The following ITFG1 variants were observed in gnomAD, a reference collection of about 807,000 sequenced individuals.
The protein encoded by ITFG1 is T-cell immunomodulatory protein.
A neutral mutation model predicts 81.8 loss-of-function variants in ITFG1; 34 were observed. The ratio of observed to expected loss-of-function variants is 0.42; its 90% confidence interval spans 0.32 to 0.55. ITFG1 has a LOEUF of 0.55. Among genes scored for constraint, ITFG1 ranks in the 20% least tolerant of loss-of-function variants. ITFG1 has a pLI of 0.17. For synonymous variants in ITFG1, 285 were observed against 270.6 expected (o/e 1.05, Z -0.52); for missense variants, 672 against 755.4 (o/e 0.89, Z 1.29).
intron 8 of ITFG1, among the ~76,000 whole-genome samples, chr16:47,348,309 T>C (rs1967891005): frequency 6.6e-6 from 1 of 152,098 alleles, no homozygotes; most frequent in Non-Finnish European, 1.5e-5. Context: ...GTTAAAAACC[T>C]TGAAAAAAGA....
chr16:47,430,137 A>G (rs1406658688), intron 5 of ITFG1, among the ~76,000 whole-genome samples: 1 of 147,542 alleles, frequency 6.8e-6, no homozygotes, highest in South Asian at 2.1e-4. Context: ...CGCTCACTGC[A>G]ACTTCCGCCT....
rs569646753 is a variant in ITFG1 at position 47,318,430 on chromosome 16, C to CA, written c.803-4608dup. On this transcript the variant is annotated intron_variant, in intron 8 of 17. Transcript: ENST00000320640. ...GGTTGTTTCCAATCTTTTGATAATCCAAACAATCCAACAATGAATAATTTT... is the reference window on the plus strand; with the variant it reads ...GGTTGTTTCCAATCTTTTGATAATCCAAAACAATCCAACAATGAATAATTTT... 1.4e-4 allele frequency among the ~76,000 whole-genome samples: 21 copies of CA among 152,050 alleles called. No homozygotes were observed. The East Asian group carries it at 2.3e-3, about 17-fold the overall frequency.
At chr16:47,398,091 C>T (rs1223679390) in intron 6 of ITFG1, among the ~76,000 whole-genome samples, 1 of 152,160 alleles carries the variant, frequency 6.6e-6, no homozygotes, top group East Asian at 1.9e-4. Flanking sequence ...CATCATGTCC[C>T]ACATTTGACC....
intron 14 of ITFG1, among the ~76,000 whole-genome samples, chr16:47,203,524 G>A (rs1210317904): frequency 6.6e-6 from 1 of 152,200 alleles, no homozygotes; most frequent in Non-Finnish European, 1.5e-5. Flanking sequence ...CCATCTGGGG[G>A]TGATGGGAGA....
chr16:47,200,310 A>G (rs1027996613), intron 14 of ITFG1, among the ~76,000 whole-genome samples: 1 of 152,208 alleles, frequency 6.6e-6, no homozygotes, highest in Non-Finnish European at 1.5e-5. Flanking sequence ...AAAAAGTTAA[A>G]ATGGCATTTC....
chr16:47,241,088 C>T (rs1213058322), intron 12 of ITFG1, among the ~76,000 whole-genome samples: 1 of 149,048 alleles, frequency 6.7e-6, no homozygotes, highest in Middle Eastern at 3.3e-3. Context: ...AAAAAACTCA[C>T]AATGAGTTAA....
chr16:47,399,401 A>G (rs527353252), intron 6 of ITFG1, among the ~76,000 whole-genome samples: 43 of 152,080 alleles, frequency 2.8e-4, no homozygotes, highest in Non-Finnish European at 5.4e-4. Flanking sequence ...GTGAAACCCC[A>G]TCTCTACTAA....
At chr16:47,443,034 T>C (rs1176889517) in intron 5 of ITFG1, among the ~76,000 whole-genome samples, 1 of 151,942 alleles carries the variant, frequency 6.6e-6, no homozygotes, top group Non-Finnish European at 1.5e-5. Context: ...GAATCTACAA[T>C]GAACTCAAAC....
At chr16:47,176,297 C>T (rs1186092688) in intron 14 of ITFG1, among the ~76,000 whole-genome samples, 1 of 152,072 alleles carries the variant, frequency 6.6e-6, no homozygotes, top group African/African-American at 2.4e-5. Context: ...TTTTGTTCCA[C>T]CTGGTGTGAC....
At chr16:47,445,235 G>T (rs1213013402) in intron 5 of ITFG1, among the ~76,000 whole-genome samples, 1 of 127,736 alleles carries the variant, frequency 7.8e-6, no homozygotes, top group Non-Finnish European at 1.6e-5. Flanking sequence ...GGGAGAGCGA[G>T]ACTCCGTCTC....
chr16:47,200,831 T>C (rs1254013050), intron 14 of ITFG1, among the ~76,000 whole-genome samples: 1 of 152,196 alleles, frequency 6.6e-6, no homozygotes, highest in Admixed American at 6.5e-5. Flanking sequence ...ATTAACTCTC[T>C]AGGTGATTTG....
intron 6 of ITFG1, among the ~76,000 whole-genome samples, chr16:47,403,059 C>G (rs548366309): frequency 1.3e-5 from 2 of 152,100 alleles, no homozygotes; most frequent in African/African-American, 4.8e-5. Context: ...AAAGTTCTGT[C>G]TGCAAAATTA....
intron 8 of ITFG1, among the ~76,000 whole-genome samples, chr16:47,321,087 G>A (rs572742499): frequency 6.6e-6 from 1 of 152,182 alleles, no homozygotes; most frequent in Non-Finnish European, 1.5e-5. Context: ...AGCTAACACA[G>A]GGAATAAGTC....
At chr16:47,283,672 ACACTTCG>A (rs1966858981) in intron 10 of ITFG1, among the ~76,000 whole-genome samples, 2 of 152,234 alleles carry the variant, frequency 1.3e-5, no homozygotes, top group Admixed American at 1.3e-4. Flanking sequence ...AGTGGTGCTA[ACACTTCG>A]ACTTTAGCCC....
chr16:47,385,670 G>C (rs965043172), intron 6 of ITFG1, among the ~76,000 whole-genome samples: 2 of 152,196 alleles, frequency 1.3e-5, no homozygotes, highest in African/African-American at 2.4e-5. Flanking sequence ...AACTTCTAAT[G>C]AACCTTCTTT....
At chr16:47,253,348 C>T (rs983231287) in intron 12 of ITFG1, among the ~76,000 whole-genome samples, 2 of 152,160 alleles carry the variant, frequency 1.3e-5, no homozygotes. Context: ...CATGGCCAAC[C>T]TTGTTTCATG....
intron 8 of ITFG1, among the ~76,000 whole-genome samples, chr16:47,345,003 C>G (rs1967832522): frequency 6.6e-6 from 1 of 152,124 alleles, no homozygotes; most frequent in Non-Finnish European, 1.5e-5. Flanking sequence ...ATTCTAAACA[C>G]TGGAAATAGA....
At chr16:47,228,748 T>C (rs1228314225) in intron 13 of ITFG1, among the ~76,000 whole-genome samples, 2 of 152,194 alleles carry the variant, frequency 1.3e-5, no homozygotes, top group African/African-American at 2.4e-5. Flanking sequence ...CCCCTTCTGA[T>C]TGAAAAGATT....
intron 14 of ITFG1, among the ~76,000 whole-genome samples, chr16:47,174,820 T>A (rs1056255416): frequency 3.9e-5 from 6 of 152,140 alleles, no homozygotes; most frequent in Non-Finnish European, 8.8e-5. Flanking sequence ...GCGCCCGGCC[T>A]CTCTGAAAGG....
Sources: gnomAD v4.1 joint callset for allele counts (sites outside exome capture counted in the v4.1 genomes callset) on GRCh38, gnomAD v4.1.1 for gene constraint, MANE v1.5 for transcripts, NCBI Gene and HGNC (gene_info 2026-07-23, HGNC 2026-07-21) for gene names.